The following METTL15 variants were observed in gnomAD, a reference collection of about 807,000 sequenced individuals.
The protein encoded by METTL15 is methyltransferase 15, mitochondrial 12S rRNA N4-cytidine, also known as 12S rRNA N(4)-cytidine methyltransferase METTL15.
Under a neutral mutation model 38.3 loss-of-function variants are expected in METTL15, and 34 were observed. That is an observed-to-expected ratio of 0.89 (90% CI 0.68 to 1.18). The LOEUF (loss-of-function observed/expected upper bound fraction) is 1.18, where lower values mean the gene tolerates loss of function less well. METTL15 is among the 50% of genes most tolerant of loss of function. The pLI is 0.00. For synonymous variants in METTL15, 162 were observed against 170.9 expected, an observed-to-expected ratio of 0.95 and a Z score of 0.41; for missense variants, 438 against 498.4, an observed-to-expected ratio of 0.88 and a Z score of 1.15.
chr11:28,404,447 A>T (rs891749459), intron 5 of METTL15, among the ~76,000 whole-genome samples: 1 of 152,168 alleles, frequency 6.6e-6, no homozygotes, highest in Admixed American at 6.6e-5. Context: ...TTCCTGGTTT[A>T]TAGGTGGCAT....
chr11:28,243,095 CAG>C (rs1854368531), intron 4 of METTL15, among the ~76,000 whole-genome samples: 3 of 146,824 alleles, frequency 2.0e-5, no homozygotes, highest in Admixed American at 6.8e-5. Context: ...AAAAAAAAAA[CAG>C]TGTGGAAGTA....
chr11:28,146,940 T>C (rs1439588141), intron 3 of METTL15, among the ~76,000 whole-genome samples: 1 of 151,936 alleles, frequency 6.6e-6, no homozygotes, highest in Admixed American at 6.6e-5. Context: ...ATTTCATTTA[T>C]ATAAAGAATT....
intron 4 of METTL15, among the ~76,000 whole-genome samples, chr11:28,215,083 A>G (rs1350371666): frequency 7.9e-5 from 12 of 152,222 alleles, no homozygotes; most frequent in Admixed American, 7.9e-4. Flanking sequence ...TAAAGTATGG[A>G]GAGCATGTAG....
At chr11:28,454,581 G>A (rs989432812) in intron 6 of METTL15, among the ~76,000 whole-genome samples, 1 of 152,006 alleles carries the variant, frequency 6.6e-6, no homozygotes, top group African/African-American at 2.4e-5. Flanking sequence ...ATTTAGCATG[G>A]GCCACTAATG....
At chr11:28,460,827 G>T (rs1299393315) in intron 6 of METTL15, among the ~76,000 whole-genome samples, 1 of 152,042 alleles carries the variant, frequency 6.6e-6, no homozygotes, top group Non-Finnish European at 1.5e-5. Flanking sequence ...GTTAAGAGGT[G>T]CAGCAGGCTC....
At chr11:28,192,144 A>G (rs547282878) in intron 3 of METTL15, among the ~76,000 whole-genome samples, 9 of 151,908 alleles carry the variant, frequency 5.9e-5, no homozygotes, top group African/African-American at 2.2e-4. Context: ...ATCTTGTGAT[A>G]TCTCGTCTTA....
At chr11:28,428,743 G>T (rs1236646416) in intron 6 of METTL15, among the ~76,000 whole-genome samples, 1 of 152,126 alleles carries the variant, frequency 6.6e-6, no homozygotes, top group African/African-American at 2.4e-5. Flanking sequence ...CCTCGACCTA[G>T]TCCAACATCT....
At chr11:28,527,875 T>A (rs761855162), downstream of METTL15, among the ~76,000 whole-genome samples, 10 of 152,198 alleles carry the variant, frequency 6.6e-5, no homozygotes, top group Non-Finnish European at 8.8e-5. Flanking sequence ...TGACACTTTG[T>A]CTTATGATAA....
intron 4 of METTL15, among the ~76,000 whole-genome samples, chr11:28,259,202 T>C (rs1361221684): frequency 6.6e-6 from 1 of 152,084 alleles, no homozygotes; most frequent in Non-Finnish European, 1.5e-5. Flanking sequence ...AGGGTGGCCT[T>C]ATGATTGACC....
At chr11:28,368,152 C>CAAAAAAAAA (rs572862749) in intron 5 of METTL15, among the ~76,000 whole-genome samples, 5 of 108,676 alleles carry the variant, frequency 4.6e-5, no homozygotes, top group African/African-American at 1.0e-4. Context: ...ACAAAAAAAA[C>CAAAAAAAAA]AAAAAAAAAA....
At chr11:28,244,890 TTC>T (rs1854447177) in intron 4 of METTL15, among the ~76,000 whole-genome samples, 2 of 152,224 alleles carry the variant, frequency 1.3e-5, no homozygotes, top group South Asian at 4.1e-4. Flanking sequence ...ATCCTGTCTT[TTC>T]TCTTTTTCCT....
chr11:28,241,072 A>G (rs1261187794), intron 4 of METTL15, among the ~76,000 whole-genome samples: 2 of 152,198 alleles, frequency 1.3e-5, no homozygotes, highest in Non-Finnish European at 2.9e-5. Flanking sequence ...GCATATATTT[A>G]TTGAACACCT....
intron 4 of METTL15, among the ~76,000 whole-genome samples, chr11:28,243,744 AG>A (rs756720191): frequency 5.3e-5 from 8 of 152,186 alleles, no homozygotes; most frequent in Non-Finnish European, 8.8e-5. Flanking sequence ...AAAATAATTC[AG>A]TACATATGTT....
At chr11:28,421,435 A>C (rs1850819485) in intron 5 of METTL15, among the ~76,000 whole-genome samples, 1 of 152,090 alleles carries the variant, frequency 6.6e-6, no homozygotes, top group Non-Finnish European at 1.5e-5. Context: ...AATATCTCTG[A>C]TGCATATTAA....
chr11:28,371,850 G>T (rs1038544455), intron 5 of METTL15, among the ~76,000 whole-genome samples: 1 of 151,938 alleles, frequency 6.6e-6, no homozygotes, highest in African/African-American at 2.4e-5. Flanking sequence ...TTTGTTTACT[G>T]CAACTTTACT....
At chr11:28,447,548 C>T (rs1012574196) in intron 6 of METTL15, among the ~76,000 whole-genome samples, 14 of 151,456 alleles carry the variant, frequency 9.2e-5, no homozygotes, top group Non-Finnish European at 1.5e-4. Context: ...GTGGGTTTTT[C>T]TTTTTTTTGT....
intron 6 of METTL15, among the ~76,000 whole-genome samples, chr11:28,456,504 C>T (rs543527178): frequency 1.1e-4 from 16 of 151,778 alleles, no homozygotes; most frequent in African/African-American, 2.7e-4. Flanking sequence ...TGCAGTGGCG[C>T]GATCTCAGCT....
intron 3 of METTL15, among the ~76,000 whole-genome samples, chr11:28,348,554 G>T (rs1443640330): frequency 6.6e-6 from 1 of 151,922 alleles, no homozygotes; most frequent in Non-Finnish European, 1.5e-5. Context: ...TTTTTGTAGA[G>T]AACGGAGTCT....
At chr11:28,365,789 C>T (rs947561322) in intron 5 of METTL15, among the ~76,000 whole-genome samples, 2 of 152,076 alleles carry the variant, frequency 1.3e-5, no homozygotes, top group Admixed American at 6.6e-5. Context: ...GGCTCATGAG[C>T]GCCTGTAATC....
Sources: allele counts gnomAD v4.1 joint callset (sites outside exome capture counted in the v4.1 genomes callset), GRCh38; gene constraint gnomAD v4.1.1; transcripts MANE v1.5; gene names NCBI Gene and HGNC (gene_info 2026-07-23, HGNC 2026-07-21).